SLC13A4: variants seen among roughly 807,000 people sequenced by gnomAD.
The protein encoded by SLC13A4 is Na(+)/sulfate cotransporter SUT-1.
A neutral mutation model predicts 72.7 loss-of-function variants in SLC13A4; 28 were observed. The observed-to-expected ratio is 0.39, with a 90% confidence interval of 0.29 to 0.53. SLC13A4 has a LOEUF of 0.53. Among genes scored for constraint, SLC13A4 ranks in the 20% least tolerant of loss-of-function variants. The pLI is 0.78. For missense variants in SLC13A4, 653 were observed against 788.0 expected, an observed-to-expected ratio of 0.83 and a Z score of 2.05; for synonymous variants, 312 against 325.5, an observed-to-expected ratio of 0.96 and a Z score of 0.45.
At chr7:135,683,324 A>AG (rs1795547488) in intron 15 of SLC13A4, 1 of 649,554 alleles carries the variant, frequency 1.5e-6, no homozygotes, top group African/African-American at 2.0e-5. Context: ...AAAAAAAAAA[A>AG]GGATAAAAAA....
intron 7 of SLC13A4, among the ~76,000 whole-genome samples, chr7:135,700,736 C>G (rs764291847): frequency 4.6e-5 from 7 of 152,166 alleles, no homozygotes; most frequent in African/African-American, 1.7e-4. Flanking sequence ...CCCTGACCTC[C>G]TGGGCTCAAG....
chr7:135,715,311 A>ATG (rs201069378), intron 2 of SLC13A4, among the ~76,000 whole-genome samples: 6,769 of 125,700 alleles, frequency 0.054, 189 homozygotes, highest in South Asian at 0.099. Context: ...ATATCTAAGC[A>ATG]TGTGTATGTG....
chr7:135,715,250 TGTATGA>T (rs1352602328), intron 2 of SLC13A4, among the ~76,000 whole-genome samples: 1 of 141,426 alleles, frequency 7.1e-6, no homozygotes, highest in African/African-American at 2.5e-5. Flanking sequence ...TATGTGTATG[TGTATGA>T]GTGTGGGCAT....
chr7:135,686,008 T>C (rs972946589), intron 13 of SLC13A4, among the ~76,000 whole-genome samples: 1 of 152,262 alleles, frequency 6.6e-6, no homozygotes, highest in Non-Finnish European at 1.5e-5. Flanking sequence ...TCAACTTCAG[T>C]CTCGTTACCC....
chr7:135,713,544 G>A (rs1473842557), intron 2 of SLC13A4, among the ~76,000 whole-genome samples: 1 of 151,998 alleles, frequency 6.6e-6, no homozygotes, highest in Non-Finnish European at 1.5e-5. Context: ...AGATAATGCA[G>A]GTGGGCTCTT....
At chr7:135,695,014 T>A (rs1264350589) in intron 9 of SLC13A4, among the ~76,000 whole-genome samples, 1 of 152,246 alleles carries the variant, frequency 6.6e-6, no homozygotes, top group Non-Finnish European at 1.5e-5. Context: ...TCATATTTTT[T>A]ATTTCCTATT....
chr7:135,722,647 G>A (rs1034416243), intron 1 of SLC13A4, among the ~76,000 whole-genome samples: 1 of 151,766 alleles, frequency 6.6e-6, no homozygotes, highest in Non-Finnish European at 1.5e-5. Context: ...AAATCCCCCT[G>A]TTTTAGACTA....
chr7:135,727,284 C>G (rs1796682979), intron 1 of SLC13A4, 114 bp downstream of exon 1: 1 of 1,348,962 alleles, frequency 7.4e-7, no homozygotes, highest in Admixed American at 2.5e-5. Flanking sequence ...TTCTTTAAAC[C>G]CACCACAAGC....
chr7:135,699,670 TCA>T lies in SLC13A4; in HGVS notation c.715-124_715-123del, dbSNP rs1795987732. The T allele has an allele frequency of 1.1e-5, 5 of 454,328 alleles. No homozygotes were observed. In the Admixed American group the frequency reaches 2.6e-4, roughly 24 times the overall value. The allele number at this position is 454,328 out of a possible 1,614,324, so 28.1% of individuals were successfully genotyped here. The stretch of plus-strand genomic sequence containing the variant: ...TGAGCTTGGGTGTCAGAAAGACAAA[TCA>T]CAGTTTCTACCATTTGTCAACTTGG... On this transcript the variant is annotated intron_variant, in intron 7 of 15. Coordinates refer to ENST00000682651, the MANE Select transcript of SLC13A4 (RefSeq NM_001318192.2).
intron 7 of SLC13A4, 98 bp downstream of exon 7, chr7:135,701,582 C>G: frequency 8.1e-7 from 1 of 1,230,760 alleles, no homozygotes; most frequent in Non-Finnish European, 1.2e-6. Context: ...TGACAGCTCA[C>G]TAGCCTGATT....
chr7:135,697,940 A>T (rs1795940673), intron 8 of SLC13A4, among the ~76,000 whole-genome samples: 1 of 152,206 alleles, frequency 6.6e-6, no homozygotes. Context: ...GAGCTCTCCC[A>T]GCAGGGCTCT....
chr7:135,706,377 A>G, intron 3 of SLC13A4, 77 bp from the exon 4 acceptor site: 2 of 1,450,190 alleles, frequency 1.4e-6, no homozygotes, highest in Non-Finnish European at 1.9e-6. Flanking sequence ...CCTCCTACCA[A>G]CCTGCTGGGG....
At chr7:135,702,760 C>G in intron 6 of SLC13A4, 85 bp downstream of exon 6, 1 of 1,115,650 alleles carries the variant, frequency 9.0e-7, no homozygotes, top group South Asian at 1.2e-5. Flanking sequence ...TGTTGAAAAT[C>G]TGGTTCTGAA....
In SLC13A4 at chr7:135,683,672, C is replaced by T. The variant is rs574671226; in HGVS notation, c.1746+452G>A. 155 of 985,344 alleles carry T rather than the reference C, an allele frequency of 1.6e-4. No homozygotes were observed. In the South Asian group the frequency reaches 4.1e-3, roughly 26 times the overall value. 61.0% of individuals were successfully genotyped at this position (985,344 alleles called of 1,614,324 possible). A position where few individuals can be genotyped will look rare whatever the true frequency, so the allele number is the denominator to read the frequency against. On this transcript the variant is annotated intron_variant, in intron 15 of 15. Coordinates refer to ENST00000682651, the MANE Select transcript of SLC13A4 (RefSeq NM_001318192.2). ...TGCTTCAGGGGTTTCTTGCCTGGGC[C>T]GGGGTGGAGGGTGAGTTGAGCAGAA...
rs1446367414 is a variant in SLC13A4, at chr7:135,705,845, C to A, written c.539-195G>T. ...CCAGGGTTTTGCAGTGATCCTTGAG[C>A]ATTTGGGGGCAAAGAGCAGTGTGTA... is the stretch of plus-strand genomic sequence containing the variant. On this transcript the variant is annotated intron_variant, in intron 4 of 15. Coordinates refer to ENST00000682651, the MANE Select transcript of SLC13A4 (RefSeq NM_001318192.2). 1.3e-5 allele frequency: 8 copies of A among 597,578 alleles called. No individual in the cohort carries two copies. In the East Asian group the frequency reaches 2.2e-4, roughly 17 times the overall value. 37.0% of individuals were successfully genotyped at this position (597,578 alleles called of 1,614,324 possible). A position where few individuals can be genotyped will look rare whatever the true frequency, so the allele number is the denominator to read the frequency against.
At chr7:135,701,643 A>C in intron 7 of SLC13A4, 37 bp downstream of exon 7, 1 of 1,597,138 alleles carries the variant, frequency 6.3e-7, no homozygotes, top group Admixed American at 1.7e-5. Flanking sequence ...ACAGCGTTTC[A>C]TGTAGGAAAC....
chr7:135,718,997 C>G (rs1796487336), intron 2 of SLC13A4, among the ~76,000 whole-genome samples: 1 of 152,236 alleles, frequency 6.6e-6, no homozygotes, highest in African/African-American at 2.4e-5. Context: ...CTAAGCTGCT[C>G]CCTGTAGCCC....
intron 6 of SLC13A4, 135 bp from the exon 7 acceptor site, chr7:135,701,895 A>C (rs962788511): frequency 6.7e-6 from 5 of 751,052 alleles, no homozygotes; most frequent in Non-Finnish European, 1.1e-5. Context: ...AGCCAGGGGG[A>C]GCATATACAC....
intron 14 of SLC13A4, 146 bp downstream of exon 14, chr7:135,685,376 A>G: frequency 1.7e-6 from 1 of 602,734 alleles, no homozygotes; most frequent in East Asian, 2.7e-5. Flanking sequence ...TCATTTTTCA[A>G]AATAGGAATT....
Sources: gnomAD v4.1 joint callset for allele counts (sites outside exome capture counted in the v4.1 genomes callset) on GRCh38, gnomAD v4.1.1 for gene constraint, MANE v1.5 for transcripts, NCBI Gene and HGNC (gene_info 2026-07-23, HGNC 2026-07-21) for gene names.